Variants in CLNK observed in about 807,000 individuals in gnomAD.
CLNK encodes the protein cytokine dependent hematopoietic cell linker, also known as cytokine-dependent hematopoietic cell linker.
CLNK carries 74 observed loss-of-function variants against 68.6 expected under a neutral mutation model. The observed-to-expected ratio is 1.08, with a 90% CI of 0.89 to 1.31. The LOEUF is 1.31. Ranked by LOEUF, CLNK falls within the 50% of genes most tolerant of loss-of-function variation. The probability of loss-of-function intolerance (pLI) is 0.00; values close to 1 mark genes in which losing one functional copy is unlikely to be tolerated. For synonymous variants in CLNK, 198 were observed against 172.2 expected (o/e 1.15, Z -1.17); for missense variants, 553 against 515.3 (o/e 1.07, Z -0.71).
intron 15 of CLNK, among the ~76,000 whole-genome samples, chr4:10,516,760 A>G (rs1002495007): frequency 6.6e-6 from 1 of 152,158 alleles, no homozygotes; most frequent in Non-Finnish European, 1.5e-5. Flanking sequence ...AATGCTAGCC[A>G]GTCTGGTCTT....
chr4:10,549,034 G>C (rs1455676832), intron 8 of CLNK, among the ~76,000 whole-genome samples: 3 of 152,192 alleles, frequency 2.0e-5, no homozygotes, highest in Admixed American at 6.5e-5. Flanking sequence ...CACTGTCCAT[G>C]TGTCCTGTGT....
At chr4:10,662,493 G>A (rs570189872) in intron 2 of CLNK, among the ~76,000 whole-genome samples, 2 of 152,154 alleles carry the variant, frequency 1.3e-5, no homozygotes, top group Non-Finnish European at 2.9e-5. Flanking sequence ...ACATTACCTC[G>A]TTGCATGTCA....
At chr4:10,539,320 C>T (rs1042308119) in intron 11 of CLNK, among the ~76,000 whole-genome samples, 9 of 152,134 alleles carry the variant, frequency 5.9e-5, no homozygotes, top group African/African-American at 2.2e-4. Context: ...ACATTCGCCA[C>T]AGAAGGAGGA....
chr4:10,688,284 G>A (rs890762958), upstream of CLNK, among the ~76,000 whole-genome samples: 5 of 152,136 alleles, frequency 3.3e-5, no homozygotes, highest in Admixed American at 2.0e-4. Flanking sequence ...ACATTTCTGA[G>A]TCAGTGCTTG....
chr4:10,581,157 G>A (rs2108834560), intron 4 of CLNK, among the ~76,000 whole-genome samples: 1 of 152,248 alleles, frequency 6.6e-6, no homozygotes, highest in South Asian at 2.1e-4. Context: ...TAACCTAGGT[G>A]CAATAGACCA....
intron 8 of CLNK, among the ~76,000 whole-genome samples, chr4:10,557,990 T>A (rs967658876): frequency 6.6e-6 from 1 of 152,242 alleles, no homozygotes; most frequent in African/African-American, 2.4e-5. Context: ...GTACCTGTAT[T>A]TTCGTCTTCA....
chr4:10,506,369 T>C (rs1237680579), intron 17 of CLNK, among the ~76,000 whole-genome samples: 2 of 152,204 alleles, frequency 1.3e-5, no homozygotes, highest in Non-Finnish European at 2.9e-5. Context: ...ACCAGTGAGA[T>C]GCAGCCCCTG....
intron 17 of CLNK, among the ~76,000 whole-genome samples, chr4:10,502,649 C>G (rs1320109378): frequency 6.6e-6 from 1 of 151,770 alleles, no homozygotes; most frequent in African/African-American, 2.4e-5. Flanking sequence ...AAACTTTTAC[C>G]TAATAAATTG....
intron 3 of CLNK, 57 bp from the exon 4 acceptor site, chr4:10,585,012 C>T: frequency 2.5e-6 from 4 of 1,585,530 alleles, no homozygotes; most frequent in Non-Finnish European, 3.5e-6. Context: ...CACCGACCCC[C>T]CGCCACATAG....
chr4:10,620,704 GCT>G (rs1163187461), intron 2 of CLNK, among the ~76,000 whole-genome samples: 1 of 152,074 alleles, frequency 6.6e-6, no homozygotes, highest in Non-Finnish European at 1.5e-5. Flanking sequence ...TTCTCCTGGT[GCT>G]CTGTGTTTAC....
intron 3 of CLNK, among the ~76,000 whole-genome samples, chr4:10,592,618 A>G (rs978514143): frequency 5.9e-5 from 9 of 152,008 alleles, no homozygotes; most frequent in African/African-American, 1.9e-4. Context: ...CCACAACATA[A>G]GAACCTAGGG....
intron 2 of CLNK, among the ~76,000 whole-genome samples, chr4:10,624,262 A>C (rs1560248266): frequency 1.3e-5 from 2 of 152,216 alleles, no homozygotes; most frequent in Admixed American, 6.5e-5. Context: ...GATAACCTCC[A>C]GCCATGTTAA....
the CLNK span, among the ~76,000 whole-genome samples, chr4:10,699,494 C>CTCTATA: frequency 7.0e-5 from 4 of 56,982 alleles, no homozygotes; most frequent in South Asian, 7.6e-4. Flanking sequence ...CTCTCTCTCT[C>CTCTATA]TATATATATA....
intron 17 of CLNK, among the ~76,000 whole-genome samples, chr4:10,504,314 G>T (rs1717194468): frequency 6.6e-6 from 1 of 151,694 alleles, no homozygotes; most frequent in South Asian, 2.1e-4. Context: ...TAGAGATGAG[G>T]TTTCACCGTG....
intron 2 of CLNK, among the ~76,000 whole-genome samples, chr4:10,654,327 C>A (rs1228415806): frequency 2.8e-5 from 4 of 142,354 alleles, no homozygotes; most frequent in African/African-American, 7.6e-5. Context: ...AATATATAAT[C>A]ACTTTAATAA....
At chr4:10,567,578 T>C (rs1720171254) in intron 5 of CLNK, among the ~76,000 whole-genome samples, 1 of 152,086 alleles carries the variant, frequency 6.6e-6, no homozygotes, top group African/African-American at 2.4e-5. Context: ...ATAGATAAAT[T>C]GGACTTAATT....
At chr4:10,520,859 GA>G in intron 14 of CLNK, 28 bp from the exon 15 acceptor site, 1 of 1,551,006 alleles carries the variant, frequency 6.4e-7, no homozygotes, top group East Asian at 2.3e-5. Context: ...AAAATTCAAA[GA>G]ATGTTAGTAT....
intron 8 of CLNK, among the ~76,000 whole-genome samples, chr4:10,556,147 C>T (rs748280729): frequency 3.3e-5 from 5 of 152,132 alleles, no homozygotes; most frequent in Non-Finnish European, 5.9e-5. Context: ...AGCCAACATT[C>T]GCTACAAAAC....
intron 2 of CLNK, among the ~76,000 whole-genome samples, chr4:10,647,328 A>T (rs1478798189): frequency 3.3e-5 from 5 of 152,086 alleles, no homozygotes; most frequent in Admixed American, 6.6e-5. Context: ...GGACATTTTC[A>T]GTTTCTGTCT....
Sources: gnomAD v4.1 joint callset for allele counts (sites outside exome capture counted in the v4.1 genomes callset) on GRCh38, gnomAD v4.1.1 for gene constraint, MANE v1.5 for transcripts, NCBI Gene and HGNC (gene_info 2026-07-23, HGNC 2026-07-21) for gene names.